The following TMC2 variants were observed in gnomAD, a reference collection of about 807,000 sequenced individuals.
TMC2 encodes transmembrane channel like 2.
TMC2 carries 102 observed loss-of-function variants against 105.9 expected under a neutral mutation model. The ratio of observed to expected loss-of-function variants is 0.96; its 90% CI spans 0.82 to 1.14. TMC2 has a LOEUF of 1.14. Among genes scored for constraint, TMC2 ranks in the 50% most tolerant of loss-of-function variants. The pLI is 0.00. For missense variants in TMC2, 1,093 were observed against 1,134.3 expected (o/e 0.96, Z 0.52); for synonymous variants, 402 against 422.8 (o/e 0.95, Z 0.60).
intron 5 of TMC2, among the ~76,000 whole-genome samples, chr20:2,577,296 C>T (rs1299800711): frequency 6.6e-6 from 1 of 152,126 alleles, no homozygotes; most frequent in African/African-American, 2.4e-5. Context: ...CCACCTCAGC[C>T]TCCCAAAAAG....
chr20:2,588,573 G>C (rs943020517), intron 7 of TMC2, among the ~76,000 whole-genome samples: 5 of 152,164 alleles, frequency 3.3e-5, no homozygotes, highest in African/African-American at 1.2e-4. Flanking sequence ...ATCTTAAACT[G>C]TCTTTTGTCA....
chr20:2,567,002 GCAAGTGGGGAAGC>G (rs2086068859), intron 4 of TMC2, among the ~76,000 whole-genome samples: 1 of 152,364 alleles, frequency 6.6e-6, no homozygotes, highest in Admixed American at 6.5e-5. Flanking sequence ...GGCAGCAAAG[GCAAGTGGGGAAGC>G]CTGGATACCC....
chr20:2,632,977 T>TTTG (rs34884357), intron 17 of TMC2, among the ~76,000 whole-genome samples: 114,647 of 151,776 alleles, frequency 0.76, 43,426 homozygotes, highest in East Asian at 0.87. Context: ...CTTCCATGGG[T>TTTG]TTGTTGTTGT....
chr20:2,612,320 T>A lies in TMC2; in HGVS notation c.1723T>A (p.Trp575Arg), dbSNP rs143095391. Residue 575 changes from tryptophan (W) to arginine (R), a missense_variant, in exon 13 of 20, where the codon TGG becomes AGG. Trp to Arg is a moderately radical substitution (Grantham distance 101, BLOSUM62 -3). Transcript: ENST00000358864. The part of the protein sequence containing the change: ...HPADVPRGSC[W>R]ETAVGIEFMR... ...TGCAGATGTGCCCCGGGGTTCTTGC[T>A]GGGAGACAGCTGTGGGCATTGTGAG... The A allele has an allele frequency of 1.4e-4, 224 of 1,584,670 alleles. No homozygotes were observed. Among genetic ancestry groups the A allele is most frequent in the Non-Finnish European group, 1.9e-4 (219 of 1,160,434 alleles).
Position 2,572,180 on chromosome 20 carries a change from G to A in TMC2, c.556G>A (p.Glu186Lys), listed in dbSNP as rs769434944. The A allele has an allele frequency of 6.2e-7, 1 of 1,611,370 alleles. No individual in the cohort carries two copies. Among genetic ancestry groups the A allele is most frequent in the South Asian group, 1.1e-5 (1 of 90,968 alleles). Residue 186 changes from glutamate (E) to lysine (K), a missense_variant and splice_region_variant, in exon 5 of 20, where the codon GAG becomes AAG. Coordinates refer to ENST00000358864, the MANE Select transcript of TMC2 (RefSeq NM_080751.3). ...GCTTTTTTTTTTTTTTCTAAGCAGGGAGGCCCAGGAATTTGTGGAGAAGTA... is the reference window on the plus strand; with the variant it reads ...GCTTTTTTTTTTTTTTCTAAGCAGGAAGGCCCAGGAATTTGTGGAGAAGTA... ...PMAKKLTELR[E>K]AQEFVEKYEG...
At chr20:2,598,398 A>C (rs79540771) in intron 10 of TMC2, among the ~76,000 whole-genome samples, 4,317 of 147,626 alleles carry the variant, frequency 0.029, 210 homozygotes, top group African/African-American at 0.1. Context: ...CCTCTACTTT[A>C]TTTATTTATT....
chr20:2,573,712 C>T (rs959571735), intron 5 of TMC2, among the ~76,000 whole-genome samples: 4 of 148,826 alleles, frequency 2.7e-5, no homozygotes, highest in East Asian at 3.9e-4. Flanking sequence ...AGGCGCCCGC[C>T]ACCACGCCCG....
At position 2,616,115 on chromosome 20, in the gene TMC2, C is replaced by G; in HGVS notation, c.1873-22C>G. The G allele has an allele frequency of 6.3e-7, 1 of 1,597,808 alleles. No homozygotes were observed. The highest frequency in any genetic ancestry group is 1.1e-5 in the South Asian group (1 of 90,510). On this transcript the variant is annotated intron_variant, in intron 14 of 19. Coordinates refer to ENST00000358864, the MANE Select transcript of TMC2 (RefSeq NM_080751.3). The surrounding 1 kb of genome is among the most constrained non-coding windows in gnomAD (Gnocchi z 4.8). ...TGCTTTTTTTTTTCTCTCTCTCTCT[C>G]GCTCCCTCCCTCCCTCTCTAGCCTT...
chr20:2,638,904 A>AT (rs1568534004), intron 19 of TMC2, among the ~76,000 whole-genome samples: 5 of 151,758 alleles, frequency 3.3e-5, no homozygotes, highest in Non-Finnish European at 4.4e-5. Context: ...AGAAAAAAAA[A>AT]ATTTTTTTTG....
intron 11 of TMC2, among the ~76,000 whole-genome samples, chr20:2,608,254 A>G (rs2086408071): frequency 6.7e-6 from 1 of 149,452 alleles, no homozygotes; most frequent in South Asian, 2.1e-4. Flanking sequence ...ATAAAGTCCT[A>G]AATGGCTTTC....
intron 7 of TMC2, among the ~76,000 whole-genome samples, chr20:2,582,083 A>C (rs2086195386): frequency 6.6e-6 from 1 of 152,184 alleles, no homozygotes; most frequent in South Asian, 2.1e-4. Flanking sequence ...ACCAGGTAGC[A>C]GCCTGTTGCA....
chr20:2,587,357 A>G lies in TMC2; in HGVS notation c.835-4953A>G, dbSNP rs1483100930. ...AAACCAGATTGCATTCTTGGAATAA[A>G]CCCAACTAGGTTATTATGTATTATC... On this transcript the variant is annotated intron_variant, in intron 7 of 19. Transcript: ENST00000358864. 3.9e-5 allele frequency among the ~76,000 whole-genome samples: 6 copies of G among 152,150 alleles called. No individual in the cohort carries two copies. In the East Asian group the frequency reaches 1.2e-3, roughly 29 times the overall value.
chr20:2,640,201 C>A (rs545950069), intron 19 of TMC2, among the ~76,000 whole-genome samples: 1 of 152,222 alleles, frequency 6.6e-6, no homozygotes, highest in African/African-American at 2.4e-5. Context: ...AGGCTGGTCT[C>A]AAACTCCTGA....
At chr20:2,639,083 G>C (rs905882783) in intron 19 of TMC2, among the ~76,000 whole-genome samples, 1 of 152,144 alleles carries the variant, frequency 6.6e-6, no homozygotes, top group African/African-American at 2.4e-5. Flanking sequence ...TTTTAGTAGA[G>C]ACAGGGTTTC....
intron 7 of TMC2, among the ~76,000 whole-genome samples, chr20:2,587,926 TG>T (rs1317834269): frequency 6.6e-6 from 1 of 152,176 alleles, no homozygotes; most frequent in Non-Finnish European, 1.5e-5. Flanking sequence ...GTGAAGTTTT[TG>T]TTGTCATTGT....
chr20:2,586,025 C>A (rs990913034), intron 7 of TMC2, among the ~76,000 whole-genome samples: 18 of 152,170 alleles, frequency 1.2e-4, no homozygotes, highest in African/African-American at 3.9e-4. Context: ...ACCTCACAGG[C>A]TGCCTACCAC....
chr20:2,551,020 T>A (rs1021428235), intron 2 of TMC2, among the ~76,000 whole-genome samples: 1 of 152,236 alleles, frequency 6.6e-6, no homozygotes, highest in South Asian at 2.1e-4. Flanking sequence ...AAATGCTGGA[T>A]TTTATGGTCA....
At position 2,542,512 on chromosome 20, in the gene TMC2, C is replaced by T. The variant is rs116049515; in HGVS notation, c.82+5196C>T. On this transcript the variant is annotated intron_variant, in intron 2 of 19. Coordinates refer to ENST00000358864, the MANE Select transcript of TMC2 (RefSeq NM_080751.3). The stretch of plus-strand genomic sequence containing the variant: ...CTTTTAGTCCAAAAGGGCAGAGGAG[C>T]GACATATATCTAATTGCCTTCAGCT... 5.1e-4 allele frequency among the ~76,000 whole-genome samples: 78 copies of T among 152,128 alleles called. 1 individual carries two copies. The South Asian group carries it at 0.014, about 28-fold the overall frequency.
intron 9 of TMC2, among the ~76,000 whole-genome samples, chr20:2,595,834 G>A (rs968555704): frequency 2.0e-5 from 3 of 152,162 alleles, no homozygotes; most frequent in African/African-American, 7.2e-5. Flanking sequence ...GCCCCTGAAA[G>A]GGCAATGGGG....
Sources: gnomAD v4.1 joint callset for allele counts (sites outside exome capture counted in the v4.1 genomes callset) on GRCh38, gnomAD v4.1.1 for gene constraint, Gnocchi (gnomAD v3.1) non-coding constraint, MANE v1.5 for transcripts, NCBI Gene and HGNC (gene_info 2026-07-23, HGNC 2026-07-21) for gene names.